The following C3orf49 variants were observed in gnomAD, a reference collection of about 807,000 sequenced individuals.
C3orf49 encodes chromosome 3 open reading frame 49, also known as putative uncharacterized protein C3orf49.
C3orf49 carries 27 observed loss-of-function variants against 13.3 expected under a neutral mutation model. The ratio of observed to expected loss-of-function variants is 2.02; its 90% CI spans 1.49 to 2.79. The LOEUF is 2.79. Among genes scored for constraint, C3orf49 ranks in the 30% most tolerant of loss-of-function variants. C3orf49 has a pLI of 0.00. For synonymous variants in C3orf49, 87 were observed against 47.6 expected (o/e 1.83, Z -3.40); for missense variants, 242 against 134.2 (o/e 1.80, Z -3.97).
chr3:63,840,647 G>C (rs556684345), intron 5 of C3orf49, among the ~76,000 whole-genome samples: 1 of 152,292 alleles, frequency 6.6e-6, no homozygotes, highest in Non-Finnish European at 1.5e-5. Context: ...TGGCCAACAA[G>C]TGGGGTCCAA....
At chr3:63,789,849 A>G in the C3orf49 span, among the ~76,000 whole-genome samples, 17 of 149,078 alleles carry the variant, frequency 1.1e-4, no homozygotes, top group African/African-American at 4.2e-4. Flanking sequence ...GTACAATGGG[A>G]CATATGCTTG....
intron 6 of C3orf49, among the ~76,000 whole-genome samples, chr3:63,846,584 A>T (rs1701902491): frequency 6.6e-6 from 1 of 151,878 alleles, no homozygotes; most frequent in Non-Finnish European, 1.5e-5. Context: ...ATTTTTTTGT[A>T]GTTTTAGTAG....
At chr3:63,800,285 T>G in the C3orf49 span, among the ~76,000 whole-genome samples, 1 of 152,146 alleles carries the variant, frequency 6.6e-6, no homozygotes, top group African/African-American at 2.4e-5. Flanking sequence ...TAAATGACTG[T>G]GCCTGGGGCA....
chr3:63,815,067 T>C (rs979929769), upstream of C3orf49, among the ~76,000 whole-genome samples: 1 of 151,978 alleles, frequency 6.6e-6, no homozygotes, highest in African/African-American at 2.4e-5. Context: ...AACAACCAGA[T>C]CTTGCAAGAA....
intron 2 of C3orf49, among the ~76,000 whole-genome samples, chr3:63,825,374 T>G (rs1206708716): frequency 6.6e-6 from 1 of 152,132 alleles, no homozygotes; most frequent in African/African-American, 2.4e-5. Context: ...AACTCTGTGT[T>G]CTGGAAAAAG....
In C3orf49 at chr3:63,832,173, G is replaced by A. The variant is rs574211857; in HGVS notation, c.849+329G>A. 2.1e-4 allele frequency: 42 copies of A among 197,026 alleles called. 1 individual carries two copies. In the East Asian group the frequency reaches 4.6e-3, roughly 22 times the overall value. 12.2% of individuals were successfully genotyped at this position (197,026 alleles called of 1,614,324 possible). A position where few individuals can be genotyped will look rare whatever the true frequency, so the allele number is the denominator to read the frequency against. On this transcript the variant is annotated intron_variant, in intron 5 of 6. Coordinates refer to ENST00000295896, the MANE Select transcript of C3orf49 (RefSeq NM_001355236.2). The stretch of plus-strand genomic sequence containing the variant: ...CGCACCACTGCACTCCAGCCTGGGC[G>A]ACAGCACAAGACTCCATCTCGAAAA...
chr3:63,812,346 T>G, the C3orf49 span, among the ~76,000 whole-genome samples: 1 of 152,238 alleles, frequency 6.6e-6, no homozygotes. Context: ...GAATTTGTGT[T>G]GGACCACATC....
At chr3:63,792,963 A>G in the C3orf49 span, among the ~76,000 whole-genome samples, 1 of 152,188 alleles carries the variant, frequency 6.6e-6, no homozygotes, top group South Asian at 2.1e-4. Context: ...TACTTTGACC[A>G]GGTTAACCAT....
intron 5 of C3orf49, chr3:63,837,887 T>C: frequency 8.6e-7 from 1 of 1,159,250 alleles, no homozygotes; most frequent in Non-Finnish European, 1.2e-6. Context: ...TGATTCAGGC[T>C]GCAGATTTTA....
chr3:63,806,464 C>T, the C3orf49 span, among the ~76,000 whole-genome samples: 2 of 152,182 alleles, frequency 1.3e-5, no homozygotes, highest in Non-Finnish European at 2.9e-5. Context: ...TGCAACAAAA[C>T]ATAAAGAATA....
intron 2 of C3orf49, among the ~76,000 whole-genome samples, chr3:63,825,158 T>C (rs1559598965): frequency 6.6e-6 from 1 of 152,186 alleles, no homozygotes; most frequent in Non-Finnish European, 1.5e-5. Flanking sequence ...CACCATAATT[T>C]CACTGCTCTA....
chr3:63,819,604 A>G lies in C3orf49; in HGVS notation c.125+8A>G. ...AAGGAAGGGGATAGAAAGGTAACAG[A>G]GATTCATTTCCTTTTCTGTCAAATG... On this transcript the variant is annotated splice_region_variant and intron_variant, in intron 1 of 6. Coordinates refer to ENST00000295896, the MANE Select transcript of C3orf49 (RefSeq NM_001355236.2). 1 of 703,262 alleles carries G rather than the reference A, an allele frequency of 1.4e-6. No individual in the cohort carries two copies. Among genetic ancestry groups the G allele is most frequent in the Non-Finnish European group, 2.6e-6 (1 of 384,924 alleles). 43.6% of individuals were successfully genotyped at this position (703,262 alleles called of 1,614,324 possible). A position where few individuals can be genotyped will look rare whatever the true frequency, so the allele number is the denominator to read the frequency against.
intron 5 of C3orf49, among the ~76,000 whole-genome samples, chr3:63,841,304 T>C (rs1350598890): frequency 6.6e-6 from 1 of 152,218 alleles, no homozygotes; most frequent in African/African-American, 2.4e-5. Context: ...TTATTTCTGG[T>C]AAGAGGGACT....
chr3:63,798,762 T>A, the C3orf49 span, among the ~76,000 whole-genome samples: 1 of 152,140 alleles, frequency 6.6e-6, no homozygotes, highest in Non-Finnish European at 1.5e-5. Context: ...CCACAGCCTA[T>A]GTCACCGCTG....
At chr3:63,800,701 T>G in the C3orf49 span, among the ~76,000 whole-genome samples, 1 of 152,164 alleles carries the variant, frequency 6.6e-6, no homozygotes, top group Non-Finnish European at 1.5e-5. Flanking sequence ...TAATATTGCC[T>G]AATTATTTTA....
chr3:63,785,016 C>G, the C3orf49 span, among the ~76,000 whole-genome samples: 2 of 149,590 alleles, frequency 1.3e-5, no homozygotes, highest in Non-Finnish European at 3.0e-5. Flanking sequence ...GAGAGGTAAT[C>G]TCATATGATG....
chr3:63,837,804 C>G (rs1007168506), intron 5 of C3orf49, among the ~76,000 whole-genome samples: 1 of 151,972 alleles, frequency 6.6e-6, no homozygotes, highest in Non-Finnish European at 1.5e-5. Context: ...CTTCTCAACA[C>G]AGACTTCCTT....
chr3:63,826,265 T>G (rs973751027), intron 2 of C3orf49, among the ~76,000 whole-genome samples: 1 of 152,186 alleles, frequency 6.6e-6, no homozygotes, highest in Non-Finnish European at 1.5e-5. Context: ...TATCTTTTAG[T>G]GTAGACTGGA....
At chr3:63,790,780 T>A in the C3orf49 span, among the ~76,000 whole-genome samples, 1 of 152,214 alleles carries the variant, frequency 6.6e-6, no homozygotes, top group Admixed American at 6.5e-5. Flanking sequence ...GTTTTTGATA[T>A]GTATCTTCAG....
Sources: gnomAD v4.1 joint callset for allele counts (sites outside exome capture counted in the v4.1 genomes callset) on GRCh38, gnomAD v4.1.1 for gene constraint, MANE v1.5 for transcripts, NCBI Gene and HGNC (gene_info 2026-07-23, HGNC 2026-07-21) for gene names.